The following CELF4 variants were observed in gnomAD, a reference collection of about 807,000 sequenced individuals.
CELF4 encodes the protein CUGBP Elav-like family member 4.
Under a neutral mutation model 59.9 loss-of-function variants are expected in CELF4, and 18 were observed. The ratio of observed to expected loss-of-function variants is 0.30; its 90% CI spans 0.21 to 0.45. CELF4 has a LOEUF of 0.45. Ranked by LOEUF, CELF4 falls within the 20% of genes least tolerant of loss-of-function variation. The pLI is 1.00. For missense variants in CELF4, 456 were observed against 689.0 expected (o/e 0.66, Z 3.79); for synonymous variants, 261 against 267.1 (o/e 0.98, Z 0.22).
intron 2 of CELF4, among the ~76,000 whole-genome samples, chr18:37,353,702 C>A (rs577519282): frequency 1.4e-5 from 2 of 145,884 alleles, no homozygotes; most frequent in Admixed American, 7.0e-5. Flanking sequence ...TTAACCCTGC[C>A]CAGACTTCAG....
intron 2 of CELF4, among the ~76,000 whole-genome samples, chr18:37,352,967 A>T (rs1182218131): frequency 6.6e-6 from 1 of 152,088 alleles, no homozygotes; most frequent in East Asian, 1.9e-4. Flanking sequence ...CACGCCTGTA[A>T]TCCCAGCACT....
At chr18:37,547,160 G>GTGGTGTGT (rs61235122) in intron 1 of CELF4, among the ~76,000 whole-genome samples, 3 of 144,170 alleles carry the variant, frequency 2.1e-5, no homozygotes, top group African/African-American at 5.1e-5. Context: ...GTGTGTGTGT[G>GTGGTGTGT]GTGTGTGTGT....
At chr18:37,332,760 A>C (rs1386345435) in intron 2 of CELF4, among the ~76,000 whole-genome samples, 2 of 152,202 alleles carry the variant, frequency 1.3e-5, no homozygotes. Flanking sequence ...GTGGAAGGAC[A>C]CGATGAAAAT....
chr18:37,553,997 G>A (rs1215556590), intron 1 of CELF4, among the ~76,000 whole-genome samples: 1 of 152,234 alleles, frequency 6.6e-6, no homozygotes, highest in African/African-American at 2.4e-5. Context: ...TGAAAAAGGT[G>A]TAAAGAAGTG....
chr18:37,409,748 C>G (rs1310663101), intron 2 of CELF4, among the ~76,000 whole-genome samples: 2 of 152,136 alleles, frequency 1.3e-5, no homozygotes, highest in Non-Finnish European at 2.9e-5. Flanking sequence ...TGTCAGGACT[C>G]TGGGTCTATA....
At chr18:37,258,099 T>G (rs749741767) in intron 11 of CELF4, among the ~76,000 whole-genome samples, 1 of 152,250 alleles carries the variant, frequency 6.6e-6, no homozygotes, top group Non-Finnish European at 1.5e-5. Context: ...CAAATTTAAC[T>G]GGCCATCTAT....
intron 1 of CELF4, among the ~76,000 whole-genome samples, chr18:37,532,854 A>T (rs1172502926): frequency 6.6e-6 from 1 of 152,236 alleles, no homozygotes; most frequent in Non-Finnish European, 1.5e-5. Flanking sequence ...TGCTCTTTAC[A>T]TGAGGCATGG....
intron 2 of CELF4, among the ~76,000 whole-genome samples, chr18:37,472,143 T>C (rs1001189347): frequency 2.0e-5 from 3 of 152,220 alleles, no homozygotes; most frequent in African/African-American, 7.2e-5. Context: ...GTGCAAACCA[T>C]GAAGACAAAC....
At chr18:37,444,684 G>GGGAGGTGGGGAGGTGCA (rs2099743248) in intron 2 of CELF4, among the ~76,000 whole-genome samples, 1 of 151,054 alleles carries the variant, frequency 6.6e-6, no homozygotes, top group Non-Finnish European at 1.5e-5. Flanking sequence ...GGAGGAAGGA[G>GGGAGGTGGGGAGGTGCA]GGAGGTGGGG....
chr18:37,264,990 A>G (rs1051655439), intron 9 of CELF4, among the ~76,000 whole-genome samples: 3 of 150,136 alleles, frequency 2.0e-5, no homozygotes, highest in Admixed American at 2.0e-4. Flanking sequence ...GTGTGTGTAC[A>G]TTACATGCAT....
chr18:37,301,705 G>A (rs2096052498), intron 3 of CELF4, among the ~76,000 whole-genome samples: 1 of 152,148 alleles, frequency 6.6e-6, no homozygotes, highest in African/African-American at 2.4e-5. Context: ...GGACCCTGCT[G>A]GGAGCGTGAA....
intron 2 of CELF4, among the ~76,000 whole-genome samples, chr18:37,350,675 G>A (rs1052053193): frequency 6.6e-6 from 1 of 152,172 alleles, no homozygotes; most frequent in African/African-American, 2.4e-5. Flanking sequence ...TTATTCTGCT[G>A]GTCTCTTTGG....
At chr18:37,508,233 T>C (rs1016727472) in intron 1 of CELF4, among the ~76,000 whole-genome samples, 1 of 152,230 alleles carries the variant, frequency 6.6e-6, no homozygotes, top group Non-Finnish European at 1.5e-5. Context: ...CATTGGAAGC[T>C]GTGGGTGCCA....
chr18:37,494,488 G>A (rs2099922626), intron 1 of CELF4, among the ~76,000 whole-genome samples: 1 of 152,192 alleles, frequency 6.6e-6, no homozygotes, highest in Admixed American at 6.5e-5. Context: ...CTCTTCTCTG[G>A]CCAGCAGCTC....
chr18:37,256,343 T>C (rs1164763770), intron 11 of CELF4, among the ~76,000 whole-genome samples: 2 of 152,210 alleles, frequency 1.3e-5, no homozygotes, highest in Non-Finnish European at 2.9e-5. Flanking sequence ...AAAGAGTGAA[T>C]GTGGCCTTTG....
At chr18:37,334,937 A>G (rs2097710194) in intron 2 of CELF4, among the ~76,000 whole-genome samples, 1 of 152,000 alleles carries the variant, frequency 6.6e-6, no homozygotes, top group Non-Finnish European at 1.5e-5. Context: ...AATGGCACCG[A>G]CATTTGCTTT....
intron 2 of CELF4, among the ~76,000 whole-genome samples, chr18:37,421,920 G>A (rs943614144): frequency 2.0e-5 from 3 of 152,328 alleles, no homozygotes; most frequent in Non-Finnish European, 4.4e-5. Context: ...GGTCACCCAC[G>A]CGGTGTCTTT....
chr18:37,428,942 T>C lies in CELF4; in HGVS notation c.369+56583A>G, dbSNP rs1309696663. ...TGAACCCAGTGACCCTTCGAGGGCA[T>C]GGACTGTGTCTTATTCACCTGGGCA... On this transcript the variant is annotated intron_variant, in intron 2 of 12. Transcript: ENST00000420428. Among the ~76,000 whole-genome samples, 5 of 152,302 alleles carry C rather than the reference T, an allele frequency of 3.3e-5. No homozygotes were observed. The East Asian group carries it at 7.7e-4, about 24-fold the overall frequency.
rs1193212388 is a variant in CELF4, at chr18:37,245,118, G to C, written c.*124C>G. 1 of 152,396 alleles carries C rather than the reference G, an allele frequency of 6.6e-6. No individual in the cohort carries two copies. The highest frequency in any genetic ancestry group is 1.9e-4 in the East Asian group (1 of 5,174). The allele number at this position is 152,396 out of a possible 1,614,324, so 9.4% of individuals were successfully genotyped here. A position where few individuals can be genotyped will look rare whatever the true frequency, so the allele number is the denominator to read the frequency against. On this transcript the variant is annotated 3_prime_UTR_variant, in exon 13 of 13. Transcript: ENST00000420428. The surrounding 1 kb of genome is among the most constrained non-coding windows in gnomAD (Gnocchi z 4.1). Reference sequence around the variant, plus strand: ...GATTGATATTGGCTGATATGTCAAAGGTGTCATCCAACAGTTCTCATTTAT... The same window carrying C: ...GATTGATATTGGCTGATATGTCAAACGTGTCATCCAACAGTTCTCATTTAT...
Sources: allele counts gnomAD v4.1 joint callset (sites outside exome capture counted in the v4.1 genomes callset), GRCh38; gene constraint gnomAD v4.1.1; non-coding constraint Gnocchi (gnomAD v3.1); transcripts MANE v1.5; gene names NCBI Gene and HGNC (gene_info 2026-07-23, HGNC 2026-07-21).